Variants in WFDC5 observed in about 807,000 individuals in gnomAD.
WFDC5 encodes WAP four-disulfide core domain protein 5.
Under a neutral mutation model 15.7 loss-of-function variants are expected in WFDC5, and 15 were observed. That is an observed-to-expected ratio of 0.96 (90% CI 0.64 to 1.47). The LOEUF is 1.47. Among genes scored for constraint, WFDC5 ranks in the 40% most tolerant of loss-of-function variants. WFDC5 has a pLI of 0.00. For synonymous variants in WFDC5, 109 were observed against 107.7 expected (o/e 1.01, Z -0.07); for missense variants, 280 against 258.0 (o/e 1.09, Z -0.59).
chr20:45,110,446 T>C (rs771078696), exon 3 of WFDC5: 79 of 1,613,260 alleles, frequency 4.9e-5, no homozygotes, highest in Non-Finnish European at 6.7e-5. Flanking sequence ...TGTGGCAGCA[T>C]CGCTTTTTGC....
rs769465182 is a variant in WFDC5 at position 45,109,886 on chromosome 20, G to A, written c.521C>T (p.Ser174Phe). Residue 174 changes from serine to phenylalanine, a missense_variant, in exon 4 of 4, where the codon TCT becomes TTT. By Grantham distance (155) the Ser-to-Phe change is radical. Transcript: ENST00000307971. Reference sequence around the variant, plus strand: ...AGTGTCAGCAGGCCAGTGATTATCAGAAGGCTGGAACCACCGCTGGTAGAG... The same window carrying A: ...AGTGTCAGCAGGCCAGTGATTATCAAAAGGCTGGAACCACCGCTGGTAGAG... 5.7e-6 allele frequency: 8 copies of A among 1,398,038 alleles called. No individual in the cohort carries two copies. The East Asian group carries it at 1.8e-4, about 32-fold the overall frequency. The allele number at this position is 1,398,038 out of a possible 1,614,324, so 86.6% of individuals were successfully genotyped here.
At chr20:45,112,726 T>C (rs1981655827) in intron 1 of WFDC5, among the ~76,000 whole-genome samples, 1 of 152,160 alleles carries the variant, frequency 6.6e-6, no homozygotes. Context: ...AGACACACAA[T>C]TAGCTACAGG....
intron 1 of WFDC5, among the ~76,000 whole-genome samples, chr20:45,113,414 G>T (rs1320146707): frequency 1.3e-5 from 2 of 152,246 alleles, no homozygotes; most frequent in Non-Finnish European, 2.9e-5. Context: ...ACCTGCCCAT[G>T]CAGAGTGGCC....
intron 1 of WFDC5, among the ~76,000 whole-genome samples, chr20:45,114,598 C>T (rs928663788): frequency 2.0e-5 from 3 of 152,068 alleles, no homozygotes; most frequent in African/African-American, 7.2e-5. Context: ...CAAGCTCAGA[C>T]ACATGCGTGC....
At chr20:45,115,164 A>G, upstream of WFDC5, 3 of 1,334,940 alleles carry the variant, frequency 2.2e-6, no homozygotes, top group Non-Finnish European at 3.1e-6. Flanking sequence ...CTTAGTCAGG[A>G]GAGGAAAGAG....
chr20:45,115,287 T>G (rs934836712), upstream of WFDC5: 4 of 550,644 alleles, frequency 7.3e-6, no homozygotes, highest in African/African-American at 5.6e-5. Context: ...TGGCGGCACA[T>G]CCTGCATGTG....
At chr20:45,110,088 T>A in intron 3 of WFDC5, 75 bp from the exon 4 acceptor site, 1 of 1,562,410 alleles carries the variant, frequency 6.4e-7, no homozygotes, top group Non-Finnish European at 8.7e-7. Flanking sequence ...CTCCCATCCA[T>A]GCCCCACCAG....
chr20:45,112,603 A>G (rs759679882), intron 1 of WFDC5, among the ~76,000 whole-genome samples: 3 of 152,218 alleles, frequency 2.0e-5, no homozygotes, highest in Non-Finnish European at 4.4e-5. Flanking sequence ...TGCATGCGCC[A>G]TGGGTGTGTA....
intron 1 of WFDC5, among the ~76,000 whole-genome samples, chr20:45,111,647 A>G (rs1173354251): frequency 6.6e-6 from 1 of 152,138 alleles, no homozygotes; most frequent in African/African-American, 2.4e-5. Context: ...AATGGTATAG[A>G]GTGTCCTGTC....
In WFDC5 at chr20:45,110,427, C is replaced by T. The variant is rs374180478; in HGVS notation, c.340G>A (p.Gly114Arg). Reference sequence around the variant, plus strand: ...CTGGCAGGATCCCGGCAATCCCGCCCGCAGGCGCTGTGGCAGCATCGCTTT... The same window carrying T: ...CTGGCAGGATCCCGGCAATCCCGCCTGCAGGCGCTGTGGCAGCATCGCTTT... The change falls in exon 3 of 4, where the codon GGG (glycine) becomes AGG (arginine). Residue 114 changes from glycine to arginine, a missense_variant. Coordinates refer to ENST00000307971, the Ensembl canonical transcript of WFDC5. 198 of 1,610,280 alleles carry T rather than the reference C, an allele frequency of 1.2e-4. No homozygotes were observed. Among genetic ancestry groups the T allele is most frequent in the Admixed American group, 6.2e-4 (37 of 59,390 alleles).
chr20:45,110,459 G>T lies in WFDC5; in HGVS notation c.308C>A (p.Ser103Ter), dbSNP rs79417830. 2 of 1,613,686 alleles carry T rather than the reference G, an allele frequency of 1.2e-6. No homozygotes were observed. Among genetic ancestry groups the T allele is most frequent in the African/African-American group, 2.7e-5 (2 of 74,942 alleles). Residue 103 changes from serine to a stop codon, truncating the protein, a stop_gained, in exon 3 of 4, where the codon TCG (serine) becomes TAG (stop). Coordinates refer to ENST00000307971, the Ensembl canonical transcript of WFDC5. LOFTEE classifies it high-confidence loss of function. Reference sequence around the variant, plus strand: ...GCTGTGGCAGCATCGCTTTTTGCCCGAGCAGTCTGAGTCCTTGTGACACAG... The same window carrying T: ...GCTGTGGCAGCATCGCTTTTTGCCCTAGCAGTCTGAGTCCTTGTGACACAG...
chr20:45,114,639 A>T (rs931152015), intron 1 of WFDC5, among the ~76,000 whole-genome samples: 1 of 152,082 alleles, frequency 6.6e-6, no homozygotes, highest in African/African-American at 2.4e-5. Context: ...GTGCAGACAG[A>T]GCTTTGCACA....
At chr20:45,111,435 C>A (rs538754768) in intron 1 of WFDC5, among the ~76,000 whole-genome samples, 13 of 152,276 alleles carry the variant, frequency 8.5e-5, no homozygotes, top group Non-Finnish European at 1.2e-4. Flanking sequence ...CAGCCCTTGG[C>A]GCACAGCAGT....
intron 3 of WFDC5, 162 bp downstream of exon 3, chr20:45,110,238 A>C: frequency 3.8e-6 from 5 of 1,324,172 alleles, no homozygotes; most frequent in Non-Finnish European, 5.1e-6. Context: ...GTCCTCTGTC[A>C]TCCTAGCAGG....
chr20:45,114,391 T>C (rs928638013), intron 1 of WFDC5, among the ~76,000 whole-genome samples: 7 of 151,966 alleles, frequency 4.6e-5, no homozygotes, highest in African/African-American at 1.7e-4. Flanking sequence ...GACAGGAGGT[T>C]GGGGGCGATG....
intron 3 of WFDC5, 135 bp downstream of exon 3, chr20:45,110,265 T>A: frequency 6.9e-7 from 1 of 1,440,440 alleles, no homozygotes; most frequent in Non-Finnish European, 9.3e-7. Context: ...CCAACCCCTA[T>A]CCAGTTTCCT....
chr20:45,114,009 C>T (rs1377067629), intron 1 of WFDC5, among the ~76,000 whole-genome samples: 1 of 152,192 alleles, frequency 6.6e-6, no homozygotes, highest in African/African-American at 2.4e-5. Flanking sequence ...CAGAGTCAGT[C>T]TTTGACCTTG....
At chr20:45,110,045 T>C (rs1353350042) in intron 3 of WFDC5, 32 bp from the exon 4 acceptor site, 1 of 1,605,350 alleles carries the variant, frequency 6.2e-7, no homozygotes, top group East Asian at 2.2e-5. Context: ...GTTAATTCCT[T>C]CCCATAATAG....
chr20:45,109,872 G>T, exon 4 of WFDC5: 2 of 1,245,672 alleles, frequency 1.6e-6, no homozygotes, highest in Non-Finnish European at 2.4e-6. Flanking sequence ...GTGTCAGCAG[G>T]CCAGTGATTA....
Sources: gnomAD v4.1 joint callset for allele counts (sites outside exome capture counted in the v4.1 genomes callset) on GRCh38, gnomAD v4.1.1 for gene constraint, MANE v1.5 for transcripts, NCBI Gene and HGNC (gene_info 2026-07-23, HGNC 2026-07-21) for gene names.